MAGI2: variants seen among roughly 807,000 people sequenced by gnomAD.
MAGI2 encodes the protein membrane associated guanylate kinase, WW and PDZ domain containing 2.
MAGI2 carries 35 observed loss-of-function variants against 133.3 expected under a neutral mutation model. That is an observed-to-expected ratio of 0.26 (90% CI 0.20 to 0.35). The LOEUF (loss-of-function observed/expected upper bound fraction) is 0.35, where lower values mean the gene tolerates loss of function less well. Ranked by LOEUF, MAGI2 falls within the 10% of genes least tolerant of loss-of-function variation. The pLI, the probability that MAGI2 is intolerant of heterozygous loss-of-function variation, is 1.00. For missense variants in MAGI2, 1,636 were observed against 1,863.4 expected, an observed-to-expected ratio of 0.88 and a Z score of 2.25; for synonymous variants, 729 against 710.6, an observed-to-expected ratio of 1.03 and a Z score of -0.41.
At chr7:79,125,910 G>T (rs1240782340) in intron 1 of MAGI2, among the ~76,000 whole-genome samples, 1 of 152,228 alleles carries the variant, frequency 6.6e-6, no homozygotes, top group Non-Finnish European at 1.5e-5. Flanking sequence ...GGTCAACCAA[G>T]CATAGTGGTG....
chr7:79,406,798 T>C (rs13225186), intron 1 of MAGI2, among the ~76,000 whole-genome samples: 2 of 152,180 alleles, frequency 1.3e-5, no homozygotes, highest in Non-Finnish European at 2.9e-5. Flanking sequence ...GAACCTTATT[T>C]AGACTTTTTA....
At chr7:78,156,295 G>T (rs1236580332) in intron 16 of MAGI2, among the ~76,000 whole-genome samples, 1 of 152,164 alleles carries the variant, frequency 6.6e-6, no homozygotes, top group African/African-American at 2.4e-5. Context: ...AGGGCCACAT[G>T]TGGGGAAGGG....
chr7:78,678,031 G>T (rs1815242948), intron 2 of MAGI2, among the ~76,000 whole-genome samples: 1 of 152,076 alleles, frequency 6.6e-6, no homozygotes, highest in Admixed American at 6.6e-5. Flanking sequence ...TTCAAGTTCA[G>T]GTACTGGAGA....
At position 78,793,235 on chromosome 7, in the gene MAGI2, T is replaced by C. The variant is rs1787323880; in HGVS notation, c.419-165996A>G. ...GACTCCAACTGATGTTTGAGAGATATGCACTGTGAAGGAAAACAAAACCTC... is the reference window on the plus strand; with the variant it reads ...GACTCCAACTGATGTTTGAGAGATACGCACTGTGAAGGAAAACAAAACCTC... On this transcript the variant is annotated intron_variant, in intron 2 of 21. Transcript: ENST00000354212. Among the ~76,000 whole-genome samples the C allele has an allele frequency of 2.0e-5, 3 of 152,318 alleles. No individual in the cohort carries two copies. The South Asian group carries it at 6.2e-4, about 32-fold the overall frequency.
chr7:78,499,849 T>A (rs1281279922), intron 5 of MAGI2, among the ~76,000 whole-genome samples: 1 of 152,224 alleles, frequency 6.6e-6, no homozygotes, highest in Admixed American at 6.5e-5. Context: ...TATCTAAGAT[T>A]TGTATTTTGA....
At chr7:78,752,403 G>A (rs545697435) in intron 2 of MAGI2, among the ~76,000 whole-genome samples, 2 of 152,098 alleles carry the variant, frequency 1.3e-5, no homozygotes, top group Non-Finnish European at 2.9e-5. Context: ...AGGAGTTCGA[G>A]ACCACCCTGA....
chr7:79,371,749 C>T (rs981821873), intron 1 of MAGI2, among the ~76,000 whole-genome samples: 4 of 152,014 alleles, frequency 2.6e-5, no homozygotes, highest in Admixed American at 2.0e-4. Flanking sequence ...TGCCTGTATT[C>T]GTTTTTAGAA....
At chr7:78,118,157 A>T (rs899560124) in intron 20 of MAGI2, among the ~76,000 whole-genome samples, 3 of 152,240 alleles carry the variant, frequency 2.0e-5, no homozygotes, top group African/African-American at 7.2e-5. Flanking sequence ...ATGCAAAAAA[A>T]ATGAGTCGAG....
Position 78,501,757 on chromosome 7 carries a change from C to A in MAGI2, c.785G>T (p.Gly262Val). ...ESSEHEDKSA[G>V]ASGEMPSQPY... The stretch of plus-strand genomic sequence containing the variant: ...CTGGGAGGGCATCTCCCCTGAGGCA[C>A]CTGCACTTTTGTCTTCATGTTCACT... The change falls in exon 5 of 22, where the codon GGT (glycine) becomes GTT (valine). Residue 262 changes from glycine (G) to valine (V), a missense_variant. By Grantham distance (109) the Gly-to-Val change is moderately radical. Coordinates refer to ENST00000354212, the MANE Select transcript of MAGI2 (RefSeq NM_012301.4). The A allele has an allele frequency of 6.2e-7, 1 of 1,613,894 alleles. No individual in the cohort carries two copies. The highest frequency in any genetic ancestry group is 8.5e-7 in the Non-Finnish European group (1 of 1,179,996).
intron 6 of MAGI2, among the ~76,000 whole-genome samples, chr7:78,404,447 C>T (rs1010977142): frequency 3.9e-5 from 6 of 152,132 alleles, no homozygotes; most frequent in Non-Finnish European, 7.3e-5. Context: ...ACCAAAACAG[C>T]GTGGTACTGG....
chr7:78,770,485 C>A (rs1161716593), intron 2 of MAGI2, among the ~76,000 whole-genome samples: 5 of 152,200 alleles, frequency 3.3e-5, no homozygotes, highest in African/African-American at 1.2e-4. Flanking sequence ...GCCAAGTCAG[C>A]AGATATCTGC....
intron 3 of MAGI2, among the ~76,000 whole-genome samples, chr7:78,609,166 C>T (rs145999615): frequency 1.4e-3 from 214 of 152,222 alleles, no homozygotes; most frequent in African/African-American, 5.0e-3. Context: ...GTCTGCCTTC[C>T]CCAGCCCACT....
chr7:78,501,499 T>TTTCCA, intron 5 of MAGI2, 78 bp downstream of exon 5: 33 of 1,208,534 alleles, frequency 2.7e-5, no homozygotes, highest in Middle Eastern at 2.0e-4. Flanking sequence ...TTTTTTTTTT[T>TTTCCA]CCACGTCTAA....
At chr7:78,837,829 C>T (rs1791781039) in intron 2 of MAGI2, among the ~76,000 whole-genome samples, 1 of 152,100 alleles carries the variant, frequency 6.6e-6, no homozygotes, top group African/African-American at 2.4e-5. Flanking sequence ...GAAGCATTAC[C>T]AAACTATGTT....
At chr7:78,812,590 G>A (rs202201581) in intron 2 of MAGI2, among the ~76,000 whole-genome samples, 5 of 78,072 alleles carry the variant, frequency 6.4e-5, no homozygotes, top group Non-Finnish European at 1.3e-4. Context: ...GTATGTATGT[G>A]TGTGTGTGTG....
intron 2 of MAGI2, among the ~76,000 whole-genome samples, chr7:78,730,892 T>C (rs961230507): frequency 6.6e-6 from 1 of 152,098 alleles, no homozygotes; most frequent in African/African-American, 2.4e-5. Flanking sequence ...ATTCACTGAA[T>C]CTTCTGAACA....
intron 2 of MAGI2, among the ~76,000 whole-genome samples, chr7:78,701,258 G>A (rs1170027778): frequency 6.6e-6 from 1 of 151,892 alleles, no homozygotes; most frequent in Admixed American, 6.6e-5. Flanking sequence ...TGGTTGGTTT[G>A]ATCAGACTCT....
At chr7:78,279,992 A>G (rs1795407302) in intron 9 of MAGI2, among the ~76,000 whole-genome samples, 1 of 152,158 alleles carries the variant, frequency 6.6e-6, no homozygotes, top group African/African-American at 2.4e-5. Context: ...TAAACATGGC[A>G]AGCAAACCCA....
chr7:79,284,916 T>C (rs903950428), intron 1 of MAGI2, among the ~76,000 whole-genome samples: 1 of 152,064 alleles, frequency 6.6e-6, no homozygotes, highest in Non-Finnish European at 1.5e-5. Flanking sequence ...AGGATTCTAA[T>C]ATACATCTGT....
Sources: allele counts gnomAD v4.1 joint callset (sites outside exome capture counted in the v4.1 genomes callset), GRCh38; gene constraint gnomAD v4.1.1; transcripts MANE v1.5; gene names NCBI Gene and HGNC (gene_info 2026-07-23, HGNC 2026-07-21).